Variants in HPCAL1 observed in about 807,000 individuals in gnomAD.
HPCAL1 encodes the protein hippocalcin like 1, also known as hippocalcin-like protein 1.
HPCAL1 carries 8 observed loss-of-function variants against 17.1 expected under a neutral mutation model. The ratio of observed to expected loss-of-function variants is 0.47; its 90% CI spans 0.27 to 0.84. The LOEUF is 0.84. Among genes scored for constraint, HPCAL1 ranks in the 40% least tolerant of loss-of-function variants. HPCAL1 has a pLI of 0.13. For synonymous variants in HPCAL1, 112 were observed against 111.4 expected (o/e 1.01, Z -0.03); for missense variants, 165 against 271.1 (o/e 0.61, Z 2.75).
chr2:10,384,948 C>A lies in HPCAL1; in HGVS notation c.-110-11887C>A, dbSNP rs545322515. On this transcript the variant is annotated intron_variant, in intron 1 of 4. Transcript: ENST00000307845. This position sits in a 1 kb window ranked among gnomAD's most constrained non-coding sequence, Gnocchi z 4.4. ...CATCCTGGCCAACATGGTGAAACCC[C>A]GTCTCTACTAAAAATACAAAAATTA... is the stretch of plus-strand genomic sequence containing the variant. Among the ~76,000 whole-genome samples, 1 of 152,144 alleles carries A rather than the reference C, an allele frequency of 6.6e-6. No homozygotes were observed. Among genetic ancestry groups the A allele is most frequent in the African/African-American group, 2.4e-5 (1 of 41,518 alleles).
intron 1 of HPCAL1, among the ~76,000 whole-genome samples, chr2:10,371,004 C>T (rs1323308286): frequency 2.0e-5 from 3 of 152,134 alleles, no homozygotes; most frequent in East Asian, 3.9e-4. Context: ...TCCAGTGACC[C>T]GGCATGGAGC....
chr2:10,399,958 G>T (rs1669491464), intron 2 of HPCAL1, among the ~76,000 whole-genome samples: 1 of 152,216 alleles, frequency 6.6e-6, no homozygotes, highest in Non-Finnish European at 1.5e-5. Flanking sequence ...AGGACCTTGA[G>T]CTCCACTCAA....
chr2:10,349,046 C>G (rs1038924573), intron 1 of HPCAL1, among the ~76,000 whole-genome samples: 1 of 152,178 alleles, frequency 6.6e-6, no homozygotes. Context: ...TTATGTTGTT[C>G]CTTTTGCACA....
rs539836860 is a variant in HPCAL1 at position 10,370,000 on chromosome 2, C to T, written c.-110-26835C>T. ...AATGTGCAGGCGCCTACCTGGCCCA[C>T]TTATCTTCAAGAAATGTGCTGGGTT... On this transcript the variant is annotated intron_variant, in intron 1 of 4. Coordinates refer to ENST00000307845, the MANE Select transcript of HPCAL1 (RefSeq NM_002149.4). 5.0e-4 allele frequency among the ~76,000 whole-genome samples: 76 copies of T among 152,330 alleles called. 1 individual carries two copies. Among genetic ancestry groups the T allele is most frequent in the African/African-American group, 1.8e-3 (73 of 41,588 alleles).
intron 1 of HPCAL1, among the ~76,000 whole-genome samples, chr2:10,311,305 G>C (rs544301172): frequency 6.6e-6 from 1 of 152,208 alleles, no homozygotes; most frequent in African/African-American, 2.4e-5. Context: ...TGTGGCTGCC[G>C]TGGCTTCTCT....
chr2:10,418,402 C>T lies in HPCAL1; in HGVS notation c.-24-1332C>T, dbSNP rs559560489. ...TGAGCCGAGATCACACCACTGCACA[C>T]TCCTCATAAGTGCCTGGAAGGGCAA... On this transcript the variant is annotated intron_variant, in intron 2 of 4. Coordinates refer to ENST00000307845, the MANE Select transcript of HPCAL1 (RefSeq NM_002149.4). Among the ~76,000 whole-genome samples the T allele has an allele frequency of 1.9e-4, 27 of 140,206 alleles. No individual in the cohort carries two copies. In the Admixed American group the frequency reaches 2.0e-3, roughly 11 times the overall value. The allele number at this position is 140,206 out of a possible 152,430, so 92.0% of individuals were successfully genotyped here. A position where few individuals can be genotyped will look rare whatever the true frequency, so the allele number is the denominator to read the frequency against.
At position 10,345,121 on chromosome 2, in the gene HPCAL1, C is replaced by T. The variant is rs373761636; in HGVS notation, c.-111+41944C>T. Among the ~76,000 whole-genome samples the T allele has an allele frequency of 4.0e-4, 61 of 152,188 alleles. 1 individual carries two copies. In the South Asian group the frequency reaches 0.012, roughly 31 times the overall value. On this transcript the variant is annotated intron_variant, in intron 1 of 4. Transcript: ENST00000307845. The stretch of plus-strand genomic sequence containing the variant: ...TCTCTCTGTGTGTCTGTCTCTGTCT[C>T]TGTATGTGTCTGTCTCTGTTTCTGT...
chr2:10,329,765 C>G lies in HPCAL1; in HGVS notation c.-111+26588C>G, dbSNP rs559116961. On this transcript the variant is annotated intron_variant, in intron 1 of 4. Transcript: ENST00000307845. Reference sequence around the variant, plus strand: ...CCTGCCCAGGCCCAGATCCTGGGCTCCAGGTGGGCCTGGGTTGGGGCTCCC... The same window carrying G: ...CCTGCCCAGGCCCAGATCCTGGGCTGCAGGTGGGCCTGGGTTGGGGCTCCC... Among the ~76,000 whole-genome samples, 3 of 152,316 alleles carry G rather than the reference C, an allele frequency of 2.0e-5. No individual in the cohort carries two copies. In the South Asian group the frequency reaches 6.2e-4, roughly 32 times the overall value.
chr2:10,377,829 A>AG lies in HPCAL1; in HGVS notation c.-110-19000dup, dbSNP rs1458230841. The stretch of plus-strand genomic sequence containing the variant: ...CCATCCCCAGGGTGGTGAGCCACCG[A>AG]GGGGGGCCAGGCACGGGGGAGGGTA... On this transcript the variant is annotated intron_variant, in intron 1 of 4. Coordinates refer to ENST00000307845, the MANE Select transcript of HPCAL1 (RefSeq NM_002149.4). This position sits in a 1 kb window ranked among gnomAD's most constrained non-coding sequence, Gnocchi z 5.9. 1.3e-5 allele frequency among the ~76,000 whole-genome samples: 2 copies of AG among 152,134 alleles called. No individual in the cohort carries two copies. The highest frequency in any genetic ancestry group is 2.9e-5 in the Non-Finnish European group (2 of 68,014).
chr2:10,303,549 C>G (rs1220696517), intron 1 of HPCAL1, among the ~76,000 whole-genome samples: 1 of 152,154 alleles, frequency 6.6e-6, no homozygotes, highest in African/African-American at 2.4e-5. Flanking sequence ...TCCAGCCCCA[C>G]GCCCAGAGCC....
At position 10,419,520 on chromosome 2, in the gene HPCAL1, C is replaced by T. The variant is rs555012637; in HGVS notation, c.-24-214C>T. On this transcript the variant is annotated intron_variant, in intron 2 of 4. Coordinates refer to ENST00000307845, the MANE Select transcript of HPCAL1 (RefSeq NM_002149.4). This position sits in a 1 kb window ranked among gnomAD's most constrained non-coding sequence, Gnocchi z 5.0. The stretch of plus-strand genomic sequence containing the variant: ...CCACATTCTCCAAGTGAGAACGTGT[C>T]CCGCAGTGTGAGGGTGAGCTGTCGT... Among the ~76,000 whole-genome samples, 38 of 151,982 alleles carry T rather than the reference C, an allele frequency of 2.5e-4. No homozygotes were observed. Among genetic ancestry groups the T allele is most frequent in the Non-Finnish European group, 4.9e-4 (33 of 68,020 alleles).
chr2:10,332,913 A>T (rs1171023376), intron 1 of HPCAL1, among the ~76,000 whole-genome samples: 1 of 149,466 alleles, frequency 6.7e-6, no homozygotes, highest in Admixed American at 6.6e-5. Context: ...CAGGCTGAAG[A>T]CAGGAGGCAG....
rs185840174 is a variant in HPCAL1, at chr2:10,389,189, C to A, written c.-110-7646C>A. Among the ~76,000 whole-genome samples, 94 of 152,290 alleles carry A rather than the reference C, an allele frequency of 6.2e-4. 1 individual carries two copies. In the East Asian group the frequency reaches 0.018, roughly 28 times the overall value. On this transcript the variant is annotated intron_variant, in intron 1 of 4. Coordinates refer to ENST00000307845, the MANE Select transcript of HPCAL1 (RefSeq NM_002149.4). ...CCTTTCCGTGGCAATCATCTGACGACCTGGAAATTACCACCCTTTTCCTAG... is the reference window on the plus strand; with the variant it reads ...CCTTTCCGTGGCAATCATCTGACGAACTGGAAATTACCACCCTTTTCCTAG...
At chr2:10,426,586 T>C in intron 4 of HPCAL1, 138 bp from the exon 5 acceptor site, 2 of 722,218 alleles carry the variant, frequency 2.8e-6, no homozygotes, top group Non-Finnish European at 5.0e-6. Context: ...GAATGGAGAC[T>C]AGACACCGTC....
rs180796798 is a variant in HPCAL1, at chr2:10,342,097, G to A, written c.-111+38920G>A. Among the ~76,000 whole-genome samples, 458 of 152,150 alleles carry A rather than the reference G, an allele frequency of 3.0e-3. 3 individuals carry two copies. Among genetic ancestry groups the A allele is most frequent in the African/African-American group, 0.011 (437 of 41,486 alleles). ...AGTTGGAAGGATGACTTGAGCCCAG[G>A]AGGTTGAGGCTACAGTGAGCTCTGA... On this transcript the variant is annotated intron_variant, in intron 1 of 4. Transcript: ENST00000307845. The surrounding 1 kb of genome is among the most constrained non-coding windows in gnomAD (Gnocchi z 4.1).
At chr2:10,409,523 T>C (rs919803556) in intron 2 of HPCAL1, among the ~76,000 whole-genome samples, 4 of 152,102 alleles carry the variant, frequency 2.6e-5, no homozygotes, top group African/African-American at 9.7e-5. Context: ...TTTTGAAAAA[T>C]GCAATCAGCC....
chr2:10,400,123 G>A (rs1035569993), intron 2 of HPCAL1, among the ~76,000 whole-genome samples: 1 of 152,218 alleles, frequency 6.6e-6, no homozygotes, highest in African/African-American at 2.4e-5. Flanking sequence ...TCAGGGACGG[G>A]CGTGCTTCTA....
intron 1 of HPCAL1, among the ~76,000 whole-genome samples, chr2:10,387,946 A>AG (rs1272186332): frequency 6.6e-6 from 1 of 151,984 alleles, no homozygotes; most frequent in Non-Finnish European, 1.5e-5. Context: ...TCACAGGTGG[A>AG]GGTCTGTGTG....
In HPCAL1 at chr2:10,419,378, G is replaced by A. The variant is rs1278651431; in HGVS notation, c.-24-356G>A. Among the ~76,000 whole-genome samples the A allele has an allele frequency of 6.6e-6, 1 of 152,200 alleles. No individual in the cohort carries two copies. Among genetic ancestry groups the A allele is most frequent in the African/African-American group, 2.4e-5 (1 of 41,450 alleles). On this transcript the variant is annotated intron_variant, in intron 2 of 4. Transcript: ENST00000307845. The surrounding 1 kb of genome is among the most constrained non-coding windows in gnomAD (Gnocchi z 5.0). ...TGAGGTGGCCACTTTGCCAGGAGCT[G>A]ATGAGGGGGATGAAAGTAAGAACTG...
Sources: allele counts gnomAD v4.1 joint callset (sites outside exome capture counted in the v4.1 genomes callset), GRCh38; gene constraint gnomAD v4.1.1; non-coding constraint Gnocchi (gnomAD v3.1); transcripts MANE v1.5; gene names NCBI Gene and HGNC (gene_info 2026-07-23, HGNC 2026-07-21).